APLP2: variants seen among roughly 807,000 people sequenced by gnomAD.
APLP2 encodes the protein amyloid beta precursor like protein 2.
APLP2 carries 53 observed loss-of-function variants against 89.9 expected under a neutral mutation model. The observed-to-expected ratio is 0.59, with a 90% CI of 0.47 to 0.74. The LOEUF is 0.74. Among genes scored for constraint, APLP2 ranks in the 30% least tolerant of loss-of-function variants. The pLI, the probability that APLP2 is intolerant of heterozygous loss-of-function variation, is 0.00. For synonymous variants in APLP2, 372 were observed against 348.6 expected, an observed-to-expected ratio of 1.07 and a Z score of -0.75; for missense variants, 973 against 975.9, an observed-to-expected ratio of 1.00 and a Z score of 0.04.
At chr11:130,111,027 C>A (rs531164741) in intron 3 of APLP2, among the ~76,000 whole-genome samples, 5 of 152,284 alleles carry the variant, frequency 3.3e-5, no homozygotes, top group Non-Finnish European at 7.3e-5. Context: ...CCCTTACTTT[C>A]ATCCCACACA....
At chr11:130,139,760 T>G (rs1952117214) in intron 13 of APLP2, 1 of 152,308 alleles carries the variant, frequency 6.6e-6, no homozygotes, top group Non-Finnish European at 1.5e-5. Context: ...CCTGTTTATC[T>G]TCTAATAGCC....
chr11:130,091,299 C>T (rs1283340032), intron 1 of APLP2, among the ~76,000 whole-genome samples: 4 of 138,440 alleles, frequency 2.9e-5, no homozygotes, highest in Admixed American at 2.1e-4. Context: ...CCGGACGGGG[C>T]GGCTGGCCGG....
Position 130,077,922 on chromosome 11 carries a change from G to A in APLP2, c.105+7840G>A, listed in dbSNP as rs566853664. On this transcript the variant is annotated intron_variant, in intron 1 of 16. Transcript: ENST00000338167. ...TCTACCCACTATTGAAAGCCCTTGA[G>A]TATTTTTGAGCTTTTCAAAATTTAA... Among the ~76,000 whole-genome samples, 3 of 152,140 alleles carry A rather than the reference G, an allele frequency of 2.0e-5. No individual in the cohort carries two copies. The East Asian group carries it at 5.8e-4, about 29-fold the overall frequency.
At chr11:130,099,414 C>A (rs746413164) in intron 1 of APLP2, among the ~76,000 whole-genome samples, 5 of 152,208 alleles carry the variant, frequency 3.3e-5, no homozygotes, top group Admixed American at 6.5e-5. Flanking sequence ...TAAATAACTT[C>A]CATGAGATTA....
At position 130,143,508 on chromosome 11, in the gene APLP2, T is replaced by G; in HGVS notation, c.*60T>G. The G allele has an allele frequency of 7.7e-6, 11 of 1,428,364 alleles. No homozygotes were observed. Among genetic ancestry groups the G allele is most frequent in the African/African-American group, 1.4e-5 (1 of 71,266 alleles). 88.5% of individuals were successfully genotyped at this position (1,428,364 alleles called of 1,614,324 possible). ...GCAGGTGGGCCGGAAGATCCCACGA[T>G]TCCGATCGACTGCCAAGCAGCAGCC... On this transcript the variant is annotated 3_prime_UTR_variant, in exon 17 of 17. Transcript: ENST00000338167.
rs76239844 is a variant in APLP2, at chr11:130,134,168, C to T, written c.1684+440C>T. On this transcript the variant is annotated intron_variant, in intron 12 of 16. Coordinates refer to ENST00000338167, the MANE Select transcript of APLP2 (RefSeq NM_001142276.2). The stretch of plus-strand genomic sequence containing the variant: ...GCGTGTCACAGAGTAAAATGGTCCA[C>T]GAGCAGATGGTACCTGCTGGAGTTG... Among the ~76,000 whole-genome samples the T allele has an allele frequency of 4.8e-3, 735 of 152,266 alleles. 5 individuals are homozygous for T. Among genetic ancestry groups the T allele is most frequent in the African/African-American group, 0.017 (698 of 41,534 alleles).
intron 6 of APLP2, 57 bp downstream of exon 6, chr11:130,122,570 T>G: frequency 6.2e-7 from 1 of 1,606,164 alleles, no homozygotes; most frequent in African/African-American, 1.3e-5. Flanking sequence ...TCACTTAGAC[T>G]TTTGCATTGC....
At chr11:130,120,886 A>C in intron 4 of APLP2, 68 bp downstream of exon 4, 2 of 1,057,484 alleles carry the variant, frequency 1.9e-6, no homozygotes, top group East Asian at 4.7e-5. Flanking sequence ...ACTTTTCTCC[A>C]AATCTCACCA....
chr11:130,120,371 C>T (rs961927928), intron 3 of APLP2, among the ~76,000 whole-genome samples: 1 of 139,508 alleles, frequency 7.2e-6, no homozygotes, highest in African/African-American at 3.4e-5. Flanking sequence ...GAAGGCAGAG[C>T]CATGTGGGGA....
At chr11:130,081,602 A>G (rs537111248) in intron 1 of APLP2, among the ~76,000 whole-genome samples, 1 of 152,332 alleles carries the variant, frequency 6.6e-6, no homozygotes, top group African/African-American at 2.4e-5. Flanking sequence ...TGCCTATAAA[A>G]TGCTGGAAAT....
intron 1 of APLP2, among the ~76,000 whole-genome samples, chr11:130,088,754 T>C (rs535008094): frequency 6.6e-6 from 1 of 152,146 alleles, no homozygotes; most frequent in African/African-American, 2.4e-5. Context: ...TTTCTTTTGA[T>C]ATTTGTTCAG....
chr11:130,070,771 G>C (rs746651554), intron 1 of APLP2: 2 of 1,391,766 alleles, frequency 1.4e-6, no homozygotes, highest in South Asian at 3.0e-5. Flanking sequence ...TTTCGTGAGG[G>C]TTTCAGTGAG....
intron 1 of APLP2, among the ~76,000 whole-genome samples, chr11:130,094,047 ATTTT>A (rs138605738): frequency 3.9e-5 from 3 of 76,378 alleles, no homozygotes; most frequent in Admixed American, 1.5e-4. Flanking sequence ...TCCCGGCCGT[ATTTT>A]TTTTTTTTTT....
intron 9 of APLP2, among the ~76,000 whole-genome samples, chr11:130,128,836 C>T (rs964828129): frequency 6.6e-6 from 1 of 152,174 alleles, no homozygotes; most frequent in Non-Finnish European, 1.5e-5. Flanking sequence ...TGAGGTTTAA[C>T]TTGCTCTCTT....
chr11:130,132,977 T>A (rs1951095749), intron 11 of APLP2, among the ~76,000 whole-genome samples: 1 of 136,318 alleles, frequency 7.3e-6, no homozygotes, highest in Non-Finnish European at 1.5e-5. Flanking sequence ...CAAATTAGAG[T>A]TCTTTTTTTT....
chr11:130,101,444 C>T (rs1357269624), intron 1 of APLP2: 1 of 152,330 alleles, frequency 6.6e-6, no homozygotes, highest in Non-Finnish European at 1.5e-5. Flanking sequence ...CCTCGGCCTC[C>T]CAAAGTGCTG....
At chr11:130,136,038 T>C (rs1176797736) in intron 13 of APLP2, among the ~76,000 whole-genome samples, 4 of 152,174 alleles carry the variant, frequency 2.6e-5, no homozygotes, top group East Asian at 1.9e-4. Context: ...CTTCCTGTTA[T>C]GGTGTTACCT....
chr11:130,101,775 CA>C (rs145856416), intron 1 of APLP2, among the ~76,000 whole-genome samples: 53 of 152,334 alleles, frequency 3.5e-4, no homozygotes, highest in African/African-American at 1.3e-3. Flanking sequence ...ATGCGATGAT[CA>C]AAACCAGGAG....
chr11:130,081,113 A>G (rs527614692), intron 1 of APLP2, among the ~76,000 whole-genome samples: 12 of 152,186 alleles, frequency 7.9e-5, no homozygotes, highest in Non-Finnish European at 1.8e-4. Flanking sequence ...AACCCCCCCA[A>G]AAACAAAAGA....
Sources: allele counts gnomAD v4.1 joint callset (sites outside exome capture counted in the v4.1 genomes callset), GRCh38; gene constraint gnomAD v4.1.1; transcripts MANE v1.5; gene names NCBI Gene and HGNC (gene_info 2026-07-23, HGNC 2026-07-21).